The following SLITRK2 variants were observed in gnomAD, a reference collection of about 807,000 sequenced individuals.
SLITRK2 encodes SLIT and NTRK-like protein 2.
Under a neutral mutation model 35.4 loss-of-function variants are expected in SLITRK2, and 13 were observed. The ratio of observed to expected loss-of-function variants is 0.37; its 90% CI spans 0.24 to 0.58. The LOEUF is 0.58. Among genes scored for constraint, SLITRK2 ranks in the 20% least tolerant of loss-of-function variants. SLITRK2 has a pLI of 0.75. For synonymous variants in SLITRK2, 294 were observed against 264.7 expected (o/e 1.11, Z -1.07); for missense variants, 471 against 634.3 (o/e 0.74, Z 2.76).
rs1419065393 is a variant in SLITRK2, at chrX:145,827,870, A to T, written c.*2907A>T. On this transcript the variant is annotated 3_prime_UTR_variant, in exon 5 of 5. Transcript: ENST00000335565. ...TAGGATTTTTATTTTTATCTTCCAC[A>T]GCTGGATATTGCTATTTCACTTTTA... 1.7e-6 allele frequency: 2 copies of T among 1,211,558 alleles called. No homozygotes were observed. Among genetic ancestry groups the T allele is most frequent in the African/African-American group, 3.5e-5 (2 of 57,793 alleles).
At position 145,829,293 on chromosome X, in the gene SLITRK2, T is replaced by A. The variant is rs191436056; in HGVS notation, c.*4330T>A. ...CATAAAGCAGAAAACCATTTTATAA[T>A]ACAAATAACCATTCTCTGATTTATC... is the stretch of plus-strand genomic sequence containing the variant. On this transcript the variant is annotated 3_prime_UTR_variant, in exon 5 of 5. Coordinates refer to ENST00000335565, the MANE Select transcript of SLITRK2 (RefSeq NM_032539.5). 44 of 124,094 alleles carry A rather than the reference T, an allele frequency of 3.5e-4. No individual in the cohort carries two copies. In the East Asian group the frequency reaches 9.2e-3, roughly 26 times the overall value. The allele number at this position is 124,094 out of a possible 1,213,427, so 10.2% of individuals were successfully genotyped here.
In SLITRK2 at chrX:145,825,008, G is replaced by C. The variant is rs782445502; in HGVS notation, c.*45G>C. ...CTAAGGCATCAGAGGATGCTGCTCC[G>C]AACTGTTGGAAACAAGGACATTAGC... On this transcript the variant is annotated 3_prime_UTR_variant, in exon 5 of 5. Transcript: ENST00000335565. 10 of 1,146,286 alleles carry C rather than the reference G, an allele frequency of 8.7e-6. No homozygotes were observed. The highest frequency in any genetic ancestry group is 3.0e-5 in the East Asian group (1 of 33,168). 94.5% of individuals were successfully genotyped at this position (1,146,286 alleles called of 1,213,427 possible). A position where few individuals can be genotyped will look rare whatever the true frequency, so the allele number is the denominator to read the frequency against.
Position 145,824,924 on chromosome X carries a change from C to G in SLITRK2, c.2499C>G (p.Leu833=), listed in dbSNP as rs1241010700. ...AGCCGCAATCAGAACCGGACTACCT[C>G]GAAGTTCTGGAAAAACAAACTGCAA... The part of the protein sequence containing the change: ...QAKPQSEPDY[L]EVLEKQTAIS... Residue 833 remains leucine (L), a synonymous_variant, in exon 5 of 5, where the codon CTC becomes CTG. Coordinates refer to ENST00000335565, the MANE Select transcript of SLITRK2 (RefSeq NM_032539.5). 6.6e-6 allele frequency: 8 copies of G among 1,207,191 alleles called. No homozygotes were observed. Among genetic ancestry groups the G allele is most frequent in the Admixed American group, 2.2e-5 (1 of 45,224 alleles).
chrX:145,822,017 C>A lies in SLITRK2; in HGVS notation c.-180C>A. 2.5e-5 allele frequency: 3 copies of A among 119,244 alleles called. No homozygotes were observed. Among genetic ancestry groups the A allele is most frequent in the East Asian group, 2.4e-4 (1 of 4,110 alleles). 9.8% of individuals were successfully genotyped at this position (119,244 alleles called of 1,213,427 possible). A position where few individuals can be genotyped will look rare whatever the true frequency, so the allele number is the denominator to read the frequency against. Reference sequence around the variant, plus strand: ...TTTTTTCCTAAAGCGATTGCGATTTCTGCTGGGAGCTCAAGACGGGCGAGC... The same window carrying A: ...TTTTTTCCTAAAGCGATTGCGATTTATGCTGGGAGCTCAAGACGGGCGAGC... On this transcript the variant is annotated 5_prime_UTR_variant, in exon 4 of 5. In the 5' UTR this introduces an upstream ATG that the reference lacks. Coordinates refer to ENST00000335565, the MANE Select transcript of SLITRK2 (RefSeq NM_032539.5).
At position 145,822,714 on chromosome X, in the gene SLITRK2, G is replaced by A. The variant is rs781954743; in HGVS notation, c.289G>A (p.Gly97Arg). The A allele has an allele frequency of 1.1e-5, 13 of 1,208,873 alleles. No individual in the cohort carries two copies. Among genetic ancestry groups the A allele is most frequent in the East Asian group, 5.9e-5 (2 of 33,699 alleles). Residue 97 changes from glycine (G) to arginine (R), a missense_variant, in exon 5 of 5, where the codon GGG becomes AGG. Gly to Arg is a moderately radical substitution (Grantham distance 125). Transcript: ENST00000335565. ...NAVTLHLGNN[G>R]LQEIRTGAFS... Reference sequence around the variant, plus strand: ...GGTGACTCTTCACCTAGGTAACAACGGGTTACAGGAGATCCGAACGGGGGC... The same window carrying A: ...GGTGACTCTTCACCTAGGTAACAACAGGTTACAGGAGATCCGAACGGGGGC...
chrX:145,823,025 C>T lies in SLITRK2; in HGVS notation c.600C>T (p.Gly200=), dbSNP rs377679182. 1.7e-5 allele frequency: 21 copies of T among 1,211,553 alleles called. 1 individual carries two copies. Among genetic ancestry groups the T allele is most frequent in the African/African-American group, 3.5e-5 (2 of 57,730 alleles). ...GNRLKVMPFA[G]VLEHIGGIME... is the part of the protein sequence containing the mutation. ...GGCTAAAAGTAATGCCTTTTGCTGG[C>T]GTCCTTGAACATATTGGAGGGATCA... The change falls in exon 5 of 5, where the codon GGC becomes GGT. Residue 200 remains glycine (G), a synonymous_variant. Transcript: ENST00000335565.
chrX:145,822,398 C>T lies in SLITRK2; in HGVS notation c.-28C>T, dbSNP rs2124145082. On this transcript the variant is annotated 5_prime_UTR_variant, in exon 5 of 5. Transcript: ENST00000335565. ...CCCACCTAAGGTTTGCCTGTAGGTA[C>T]CTGAGTTGACACCGAAGGTGCCTAA... The T allele has an allele frequency of 2.5e-6, 3 of 1,183,029 alleles. No homozygotes were observed. The highest frequency in any genetic ancestry group is 3.4e-6 in the Non-Finnish European group (3 of 880,092).
At chrX:145,820,177 T>C (rs1281063560) in intron 1 of SLITRK2, 1 of 111,981 alleles carries the variant, frequency 8.9e-6, no homozygotes, top group African/African-American at 3.3e-5. Context: ...GCACATCATT[T>C]GGTCAACTCC....
chrX:145,819,286 G>C, intron 1 of SLITRK2: 1 of 112,024 alleles, frequency 8.9e-6, no homozygotes, highest in East Asian at 2.8e-4. Context: ...TTAATAAAAA[G>C]GATACCTTTA....
Position 145,817,890 on chromosome X carries a change from G to A in SLITRK2, c.-929G>A, listed in dbSNP as rs1393467342. On this transcript the variant is annotated 5_prime_UTR_variant, in exon 1 of 5. Transcript: ENST00000335565. ...GCTCGGTGGGGATCTGCCTGCCCTG[G>A]GGGCGCCGCCCGCGCTCCCCGCGGT... 2.8e-5 allele frequency: 3 copies of A among 108,794 alleles called. No homozygotes were observed. The highest frequency in any genetic ancestry group is 5.7e-5 in the Non-Finnish European group (3 of 52,183). 9.0% of individuals were successfully genotyped at this position (108,794 alleles called of 1,213,427 possible). A position where few individuals can be genotyped will look rare whatever the true frequency, so the allele number is the denominator to read the frequency against.
rs374998303 is a variant in SLITRK2 at position 145,827,916 on chromosome X, C to T, written c.*2953C>T. The stretch of plus-strand genomic sequence containing the variant: ...TTTTATTTCACATGCAGCTTTAAGA[C>T]GTATGAGCATCAGCACAGCAAAATG... On this transcript the variant is annotated 3_prime_UTR_variant, in exon 5 of 5. Coordinates refer to ENST00000335565, the MANE Select transcript of SLITRK2 (RefSeq NM_032539.5). 2.1e-5 allele frequency: 25 copies of T among 1,209,635 alleles called. No homozygotes were observed. In the African/African-American group the frequency reaches 2.8e-4, roughly 14 times the overall value.
At chrX:145,820,099 TTATC>T (rs2072972759) in intron 1 of SLITRK2, 1 of 111,988 alleles carries the variant, frequency 8.9e-6, no homozygotes, top group Admixed American at 9.4e-5. Context: ...ATCTGTGTGT[TTATC>T]TATTCCACAT....
At position 145,828,583 on chromosome X, in the gene SLITRK2, T is replaced by C. The variant is rs2073146355; in HGVS notation, c.*3620T>C. 8.2e-6 allele frequency: 1 copy of C among 122,449 alleles called. No homozygotes were observed. Among genetic ancestry groups the C allele is most frequent in the Non-Finnish European group, 1.9e-5 (1 of 53,172 alleles). The allele number at this position is 122,449 out of a possible 1,213,427, so 10.1% of individuals were successfully genotyped here. ...CCTCCTCACAACACCCTCTTCACCCTCCACGCCACCCCCTACTACTCACTC... is the reference window on the plus strand; with the variant it reads ...CCTCCTCACAACACCCTCTTCACCCCCCACGCCACCCCCTACTACTCACTC... On this transcript the variant is annotated 3_prime_UTR_variant, in exon 5 of 5. Transcript: ENST00000335565.
At position 145,822,690 on chromosome X, in the gene SLITRK2, G is replaced by A. The variant is rs1402893590; in HGVS notation, c.265G>A (p.Val89Met). 9.1e-6 allele frequency: 11 copies of A among 1,209,479 alleles called. No homozygotes were observed. Among genetic ancestry groups the A allele is most frequent in the Non-Finnish European group, 1.2e-5 (11 of 895,166 alleles). The part of the protein sequence containing the change: ...PNEFVNYSNA[V>M]TLHLGNNGLQ... The stretch of plus-strand genomic sequence containing the variant: ...CGAATTTGTCAATTACTCCAACGCG[G>A]TGACTCTTCACCTAGGTAACAACGG... The change falls in exon 5 of 5, where the codon GTG (valine) becomes ATG (methionine). Residue 89 changes from valine (V) to methionine (M), a missense_variant. Physicochemically the swap from Val to Met is conservative, Grantham distance 21 (BLOSUM62 1). Transcript: ENST00000335565.
In SLITRK2 at chrX:145,825,797, C is replaced by G. The variant is rs1046615446; in HGVS notation, c.*834C>G. The G allele has an allele frequency of 8.2e-6, 1 of 122,642 alleles. No homozygotes were observed. The highest frequency in any genetic ancestry group is 3.8e-4 in the South Asian group (1 of 2,630). 10.1% of individuals were successfully genotyped at this position (122,642 alleles called of 1,213,427 possible). A position where few individuals can be genotyped will look rare whatever the true frequency, so the allele number is the denominator to read the frequency against. On this transcript the variant is annotated 3_prime_UTR_variant, in exon 5 of 5. Coordinates refer to ENST00000335565, the MANE Select transcript of SLITRK2 (RefSeq NM_032539.5). ...ACAGTGGACTAGAGGTAATAAGCCA[C>G]CTCAGTCAGGATTAATAATTCATTA... is the stretch of plus-strand genomic sequence containing the variant.
At position 145,823,106 on chromosome X, in the gene SLITRK2, C is replaced by G. The variant is rs2124165415; in HGVS notation, c.681C>G (p.Leu227=). The change falls in exon 5 of 5, where the codon CTC becomes CTG. Residue 227 remains leucine, a synonymous_variant. Transcript: ENST00000335565. Reference sequence around the variant, plus strand: ...ATTGCACTTGTGACTTACTTCCTCTCAAGGCCTGGCTAGACACCATAACTG... The same window carrying G: ...ATTGCACTTGTGACTTACTTCCTCTGAAGGCCTGGCTAGACACCATAACTG... ...PWNCTCDLLP[L]KAWLDTITVF... The G allele has an allele frequency of 8.3e-7, 1 of 1,211,400 alleles. No homozygotes were observed. Among genetic ancestry groups the G allele is most frequent in the Non-Finnish European group, 1.1e-6 (1 of 895,309 alleles).
rs1333807302 is a variant in SLITRK2, at chrX:145,829,770, T to C, written c.*4807T>C. On this transcript the variant is annotated 3_prime_UTR_variant, in exon 5 of 5. Coordinates refer to ENST00000335565, the MANE Select transcript of SLITRK2 (RefSeq NM_032539.5). ...TGTTAGATTTAGTTGCAAATAATTG[T>C]TCTCAAGTTATTGCAATAAATGTCA... is the stretch of plus-strand genomic sequence containing the variant. 5.3e-4 allele frequency: 66 copies of C among 123,879 alleles called. No homozygotes were observed. The allele number at this position is 123,879 out of a possible 1,213,427, so 10.2% of individuals were successfully genotyped here. A position where few individuals can be genotyped will look rare whatever the true frequency, so the allele number is the denominator to read the frequency against.
Position 145,825,037 on chromosome X carries a change from T to C in SLITRK2, c.*74T>C, listed in dbSNP as rs2073101629. ...TGTTGGAAACAAGGACATTAGCTTT[T>C]GTGTTTGTTTTTGTTCTCCCTTTCC... On this transcript the variant is annotated 3_prime_UTR_variant, in exon 5 of 5. Transcript: ENST00000335565. 5 of 1,086,809 alleles carry C rather than the reference T, an allele frequency of 4.6e-6. No individual in the cohort carries two copies. Among genetic ancestry groups the C allele is most frequent in the Non-Finnish European group, 6.1e-6 (5 of 816,777 alleles). The allele number at this position is 1,086,809 out of a possible 1,213,427, so 89.6% of individuals were successfully genotyped here.
chrX:145,828,080 G>A lies in SLITRK2; in HGVS notation c.*3117G>A. 1 of 971,917 alleles carries A rather than the reference G, an allele frequency of 1.0e-6. No individual in the cohort carries two copies. The highest frequency in any genetic ancestry group is 1.4e-6 in the Non-Finnish European group (1 of 725,404). 80.1% of individuals were successfully genotyped at this position (971,917 alleles called of 1,213,427 possible). On this transcript the variant is annotated 3_prime_UTR_variant, in exon 5 of 5. Transcript: ENST00000335565. ...TTTCACTATTTCCGAATATACCTGT[G>A]GCTAAGTTTTTATTGAAACACTCAA...
Sources: allele counts gnomAD v4.1 joint callset, GRCh38; gene constraint gnomAD v4.1.1; transcripts MANE v1.5; gene names NCBI Gene and HGNC (gene_info 2026-07-23, HGNC 2026-07-21).